The following CNGB1 variants were observed in gnomAD, a reference collection of about 807,000 sequenced individuals.
The protein encoded by CNGB1 is cyclic nucleotide gated channel subunit beta 1.
A neutral mutation model predicts 151.7 loss-of-function variants in CNGB1; 126 were observed. The ratio of observed to expected loss-of-function variants is 0.83; its 90% CI spans 0.72 to 0.96. CNGB1 has a LOEUF of 0.96. Ranked by LOEUF, CNGB1 falls within the 40% of genes least tolerant of loss-of-function variation. CNGB1 has a pLI of 0.00. For synonymous variants in CNGB1, 623 were observed against 635.1 expected (o/e 0.98, Z 0.29); for missense variants, 1,698 against 1,627.0 (o/e 1.04, Z -0.75).
intron 27 of CNGB1, 50 bp downstream of exon 27, chr16:57,903,772 C>A: frequency 1.9e-6 from 3 of 1,610,674 alleles, no homozygotes; most frequent in Admixed American, 1.7e-5. Flanking sequence ...GGGCACCAGG[C>A]GACAGGAGTT....
intron 7 of CNGB1, among the ~76,000 whole-genome samples, chr16:57,961,658 ATGAATGAATGAG>A (rs1305552552): frequency 6.6e-6 from 1 of 151,174 alleles, no homozygotes; most frequent in African/African-American, 2.5e-5. Flanking sequence ...GAATGAATGA[ATGAATGAATGAG>A]TGAATGAAGT....
chr16:57,937,386 G>A (rs138664506), intron 16 of CNGB1: 1 of 152,374 alleles, frequency 6.6e-6, no homozygotes, highest in Non-Finnish European at 1.5e-5. Flanking sequence ...AGAGTTGGAG[G>A]AGACAATAGG....
intron 16 of CNGB1, among the ~76,000 whole-genome samples, chr16:57,939,134 G>T (rs566833511): frequency 6.6e-6 from 1 of 152,264 alleles, no homozygotes; most frequent in Admixed American, 6.5e-5. Flanking sequence ...GGAGGGGCTG[G>T]CAGGGAGAGG....
intron 17 of CNGB1, among the ~76,000 whole-genome samples, chr16:57,925,876 C>A (rs1472188644): frequency 6.6e-6 from 1 of 152,078 alleles, no homozygotes; most frequent in African/African-American, 2.4e-5. Context: ...TTAGTAGAGA[C>A]AGGGTTTCAC....
chr16:57,921,868 T>C (rs1180169119), intron 18 of CNGB1, among the ~76,000 whole-genome samples: 1 of 152,162 alleles, frequency 6.6e-6, no homozygotes, highest in Non-Finnish European at 1.5e-5. Context: ...GAGATGATGA[T>C]GGTATATGAT....
chr16:57,928,215 C>T (rs1385817329), intron 17 of CNGB1, among the ~76,000 whole-genome samples: 1 of 152,224 alleles, frequency 6.6e-6, no homozygotes, highest in African/African-American at 2.4e-5. Flanking sequence ...GCAGCTCTAA[C>T]CACTCAGCAA....
chr16:57,931,392 C>A (rs182381137), intron 17 of CNGB1, among the ~76,000 whole-genome samples: 1 of 152,042 alleles, frequency 6.6e-6, no homozygotes, highest in Non-Finnish European at 1.5e-5. Context: ...TGGCCTCAAA[C>A]GATCCACCCA....
intron 29 of CNGB1, among the ~76,000 whole-genome samples, chr16:57,900,690 G>A (rs774958381): frequency 2.0e-5 from 3 of 152,120 alleles, no homozygotes; most frequent in East Asian, 3.9e-4. Flanking sequence ...GAAGGGACAC[G>A]ATGTCCCCCT....
intron 17 of CNGB1, among the ~76,000 whole-genome samples, chr16:57,923,669 A>T (rs575227972): frequency 6.6e-6 from 1 of 152,346 alleles, no homozygotes; most frequent in African/African-American, 2.4e-5. Context: ...GTGTGGCCTC[A>T]GCAAATTACC....
chr16:57,953,944 AGTCTGGGGTAG>A (rs1305229266), intron 12 of CNGB1, among the ~76,000 whole-genome samples: 2 of 151,928 alleles, frequency 1.3e-5, no homozygotes, highest in African/African-American at 4.8e-5. Flanking sequence ...TGAATCAGAA[AGTCTGGGGTAG>A]GACATTTTTC....
chr16:57,945,256 G>A (rs562642982), intron 14 of CNGB1, among the ~76,000 whole-genome samples: 4 of 152,344 alleles, frequency 2.6e-5, no homozygotes, highest in East Asian at 3.9e-4. Context: ...GGAGAAGTCA[G>A]CCTTGCACAA....
chr16:57,904,619 G>T, intron 26 of CNGB1, 115 bp downstream of exon 26: 1 of 1,440,962 alleles, frequency 6.9e-7, no homozygotes, highest in Non-Finnish European at 9.7e-7. Context: ...TCAGTCTAGT[G>T]CCCTTTCCCA....
chr16:57,945,464 C>T (rs1405943116), intron 14 of CNGB1, among the ~76,000 whole-genome samples: 1 of 152,216 alleles, frequency 6.6e-6, no homozygotes. Flanking sequence ...TTGGGCAAGT[C>T]ACCTCGAAGC....
chr16:57,931,710 G>T lies in CNGB1; in HGVS notation c.1535+6C>A, dbSNP rs1287512390. 1 of 1,614,004 alleles carries T rather than the reference G, an allele frequency of 6.2e-7. No homozygotes were observed. Among genetic ancestry groups the T allele is most frequent in the South Asian group, 1.1e-5 (1 of 91,010 alleles). On this transcript the variant is annotated splice_donor_region_variant and intron_variant, in intron 17 of 32. Transcript: ENST00000251102. Reference sequence around the variant, plus strand: ...AGAAAAGCCCAAGAGAAGCATAAAAGGTAACCTGTGTGTCCCCGAGGCTGA... The same window carrying T: ...AGAAAAGCCCAAGAGAAGCATAAAATGTAACCTGTGTGTCCCCGAGGCTGA...
rs371879981 is a variant in CNGB1, at chr16:57,962,990, G to A, written c.365C>T (p.Thr122Met). The A allele has an allele frequency of 4.7e-5, 76 of 1,613,240 alleles. No individual in the cohort carries two copies. Among genetic ancestry groups the A allele is most frequent in the African/African-American group, 8.0e-5 (6 of 74,896 alleles). ...KVIPQPVHSI[T>M]EDPAQILGHG... Reference sequence around the variant, plus strand: ...CAGCAGTACCTGAGCCGGGTCCTCCGTGATGCTGTGAACAGGCTGCGGGAT... The same window carrying A: ...CAGCAGTACCTGAGCCGGGTCCTCCATGATGCTGTGAACAGGCTGCGGGAT... Residue 122 changes from threonine (T) to methionine (M), a missense_variant, in exon 5 of 33, where the codon ACG becomes ATG. Transcript: ENST00000251102.
At chr16:57,960,728 C>T in intron 8 of CNGB1, 112 bp downstream of exon 8, 4 of 1,332,204 alleles carry the variant, frequency 3.0e-6, no homozygotes, top group Non-Finnish European at 4.2e-6. Flanking sequence ...GCATCGCCCC[C>T]TCATGAGTTC....
Position 57,884,113 on chromosome 16 carries a change from C to A in CNGB1, c.*51G>T, listed in dbSNP as rs745680361. 6.2e-7 allele frequency: 1 copy of A among 1,612,086 alleles called. No individual in the cohort carries two copies. The highest frequency in any genetic ancestry group is 2.2e-5 in the East Asian group (1 of 44,856). Reference sequence around the variant, plus strand: ...CGCTGGGGCGCAGGGGCGCAGCGGGCGCTGGGGACACACCTGCTGGAACTG... The same window carrying A: ...CGCTGGGGCGCAGGGGCGCAGCGGGAGCTGGGGACACACCTGCTGGAACTG... On this transcript the variant is annotated 3_prime_UTR_variant, in exon 33 of 33. Transcript: ENST00000251102.
rs374417317 is a variant in CNGB1, at chr16:57,911,833, C to T, written c.2412G>A (p.Leu804=). The change falls in exon 25 of 33, where the codon TTG becomes TTA. Residue 804 remains leucine, a synonymous_variant. Transcript: ENST00000251102. ...TTAYLLYSLH[L]NSCLYYWASA... ...ATGCCCAGTAATAAAGACAGGAATTCAAATGCAGGCTGTAGAGAAGGTAGG... is the reference window on the plus strand; with the variant it reads ...ATGCCCAGTAATAAAGACAGGAATTTAAATGCAGGCTGTAGAGAAGGTAGG... 18 of 1,613,992 alleles carry T rather than the reference C, an allele frequency of 1.1e-5. No individual in the cohort carries two copies. Among genetic ancestry groups the T allele is most frequent in the Non-Finnish European group, 1.5e-5 (18 of 1,179,932 alleles).
chr16:57,928,043 G>T (rs1407738710), intron 17 of CNGB1, among the ~76,000 whole-genome samples: 1 of 152,222 alleles, frequency 6.6e-6, no homozygotes, highest in Admixed American at 6.5e-5. Context: ...ATGGATGAGA[G>T]CAAAAATTAA....
Sources: gnomAD v4.1 joint callset for allele counts (sites outside exome capture counted in the v4.1 genomes callset) on GRCh38, gnomAD v4.1.1 for gene constraint, MANE v1.5 for transcripts, NCBI Gene and HGNC (gene_info 2026-07-23, HGNC 2026-07-21) for gene names.